The following MACO1 variants were observed in gnomAD, a reference collection of about 807,000 sequenced individuals.
MACO1 encodes macoilin.
Under a neutral mutation model 78.7 loss-of-function variants are expected in MACO1, and 14 were observed. The observed-to-expected ratio is 0.18, with a 90% CI of 0.12 to 0.28. The LOEUF (loss-of-function observed/expected upper bound fraction) is 0.28, where lower values mean the gene tolerates loss of function less well. MACO1 is among the 10% of genes least tolerant of loss of function. MACO1 has a pLI of 1.00. For synonymous variants in MACO1, 288 were observed against 291.6 expected, an observed-to-expected ratio of 0.99 and a Z score of 0.12; for missense variants, 501 against 799.0, an observed-to-expected ratio of 0.63 and a Z score of 4.50.
At chr1:25,486,809 A>G (rs2043437210) in intron 8 of MACO1, among the ~76,000 whole-genome samples, 1 of 152,220 alleles carries the variant, frequency 6.6e-6, no homozygotes, top group Non-Finnish European at 1.5e-5. Flanking sequence ...TTGGCCCATC[A>G]GCATCTATAC....
intron 6 of MACO1, among the ~76,000 whole-genome samples, chr1:25,473,679 G>T (rs1316253749): frequency 6.6e-6 from 1 of 152,170 alleles, no homozygotes; most frequent in African/African-American, 2.4e-5. Context: ...GGGGGTTAGG[G>T]GTGGATTCCC....
At position 25,458,615 on chromosome 1, in the gene MACO1, A is replaced by G. The variant is rs369953955; in HGVS notation, c.877A>G (p.Ile293Val). 6.2e-7 allele frequency: 1 copy of G among 1,614,048 alleles called. No individual in the cohort carries two copies. The highest frequency in any genetic ancestry group is 8.5e-7 in the Non-Finnish European group (1 of 1,179,972). ...AGAGATTGAGTATATGGAAAACCATATCAATAGTAAAAGATTAAATAATGA... is the reference window on the plus strand; with the variant it reads ...AGAGATTGAGTATATGGAAAACCATGTCAATAGTAAAAGATTAAATAATGA... ...IQEIEYMENH[I>V]NSKRLNNDLV... Residue 293 changes from isoleucine (I) to valine (V), a missense_variant, in exon 6 of 11, where the codon ATC (isoleucine) becomes GTC (valine). Coordinates refer to ENST00000374343, the MANE Select transcript of MACO1 (RefSeq NM_018202.6).
chr1:25,459,487 ATTT>A (rs67989933), intron 6 of MACO1, among the ~76,000 whole-genome samples: 1 of 146,390 alleles, frequency 6.8e-6, no homozygotes. Flanking sequence ...AATTAAAAGA[ATTT>A]TTTTTTTTTT....
At chr1:25,478,008 G>T (rs1289513713) in intron 6 of MACO1, among the ~76,000 whole-genome samples, 2 of 152,212 alleles carry the variant, frequency 1.3e-5, no homozygotes, top group African/African-American at 2.4e-5. Context: ...CACTTTGGGA[G>T]GCCAAGGCAG....
chr1:25,491,956 C>A (rs908393465), intron 10 of MACO1, among the ~76,000 whole-genome samples: 1 of 152,112 alleles, frequency 6.6e-6, no homozygotes, highest in Non-Finnish European at 1.5e-5. Flanking sequence ...TTGGAGAGGG[C>A]CTCTCCCCAG....
chr1:25,463,827 T>C (rs910761484), intron 6 of MACO1, among the ~76,000 whole-genome samples: 2 of 152,222 alleles, frequency 1.3e-5, no homozygotes, highest in Non-Finnish European at 2.9e-5. Flanking sequence ...TAGCATTTTA[T>C]AGTGTTTTTT....
intron 6 of MACO1, among the ~76,000 whole-genome samples, chr1:25,469,646 T>C (rs2124596185): frequency 6.7e-6 from 1 of 150,170 alleles, no homozygotes; most frequent in East Asian, 1.9e-4. Flanking sequence ...TTTTTTTTTT[T>C]TTTTTTTTGA....
intron 6 of MACO1, among the ~76,000 whole-genome samples, chr1:25,475,550 C>CAAA (rs1162367298): frequency 3.5e-5 from 2 of 56,960 alleles, no homozygotes; most frequent in African/African-American, 5.7e-5. Context: ...CCAGGCTCTA[C>CAAA]AAAAAAAAAA....
intron 3 of MACO1, among the ~76,000 whole-genome samples, chr1:25,449,269 C>T (rs928641526): frequency 5.9e-5 from 9 of 152,098 alleles, no homozygotes; most frequent in Non-Finnish European, 1.3e-4. Context: ...AAAAAATGTT[C>T]ATGGAATTTC....
rs1406778482 is a variant in MACO1, at chr1:25,430,991, C to T, written c.-108C>T. ...GGTGCTGGCTCCATGTCTGTGTGAC[C>T]GGCCTCAGGGGTAGAGTCCAGGCCC... On this transcript the variant is annotated 5_prime_UTR_variant, in exon 1 of 11. Coordinates refer to ENST00000374343, the MANE Select transcript of MACO1 (RefSeq NM_018202.6). The T allele has an allele frequency of 1.3e-5, 10 of 757,898 alleles. No individual in the cohort carries two copies. Among genetic ancestry groups the T allele is most frequent in the African/African-American group, 1.9e-5 (1 of 53,028 alleles). 46.9% of individuals were successfully genotyped at this position (757,898 alleles called of 1,614,324 possible). A position where few individuals can be genotyped will look rare whatever the true frequency, so the allele number is the denominator to read the frequency against.
Position 25,500,115 on chromosome 1 carries a change from C to G in MACO1, c.*1649C>G, listed in dbSNP as rs1411918458. ...TTTGAGGTTTCCCCCATTTTGCTGC[C>G]TTTTGGGACACTTCGTTAAATACTG... On this transcript the variant is annotated 3_prime_UTR_variant, in exon 11 of 11. Transcript: ENST00000374343. 2 of 148,956 alleles carry G rather than the reference C, an allele frequency of 1.3e-5. No homozygotes were observed. Among genetic ancestry groups the G allele is most frequent in the Middle Eastern group, 3.6e-3 (1 of 280 alleles). The allele number at this position is 148,956 out of a possible 1,614,324, so 9.2% of individuals were successfully genotyped here.
In MACO1 at chr1:25,498,503, C is replaced by T. The variant is rs970772072; in HGVS notation, c.*37C>T. The T allele has an allele frequency of 5.2e-6, 8 of 1,548,950 alleles. No homozygotes were observed. The highest frequency in any genetic ancestry group is 2.5e-5 in the South Asian group (2 of 81,264). On this transcript the variant is annotated 3_prime_UTR_variant, in exon 11 of 11. Coordinates refer to ENST00000374343, the MANE Select transcript of MACO1 (RefSeq NM_018202.6). ...GTGTTGTGCCCAAAAATTTGGTTAC[C>T]GGAAGGCATTGCAAAGGAGCGTCTC...
chr1:25,488,519 A>T (rs182111744), intron 8 of MACO1, among the ~76,000 whole-genome samples: 1 of 152,004 alleles, frequency 6.6e-6, no homozygotes, highest in Admixed American at 6.5e-5. Context: ...TTTGAGACAG[A>T]GTCTCACTTT....
rs956983011 is a variant in MACO1 at position 25,489,030 on chromosome 1, A to G, written c.1497-143A>G. On this transcript the variant is annotated intron_variant, in intron 8 of 10. Coordinates refer to ENST00000374343, the MANE Select transcript of MACO1 (RefSeq NM_018202.6). ...GAGACGGGGTTTCACCATGCTGGTC[A>G]GGTTGGTCTCGAACCCCTGACCTCA... is the stretch of plus-strand genomic sequence containing the variant. 67 of 919,068 alleles carry G rather than the reference A, an allele frequency of 7.3e-5. No homozygotes were observed. The Middle Eastern group carries it at 1.1e-3, about 16-fold the overall frequency. 56.9% of individuals were successfully genotyped at this position (919,068 alleles called of 1,614,324 possible).
At chr1:25,480,928 AAATATATATATAT>A (rs1198376893) in intron 6 of MACO1, among the ~76,000 whole-genome samples, 3 of 26,900 alleles carry the variant, frequency 1.1e-4, no homozygotes, top group African/African-American at 3.6e-4. Flanking sequence ...AAAAAAAAAA[AAATATATATATAT>A]ATATATATAT....
At chr1:25,470,752 G>A (rs2043260080) in intron 6 of MACO1, among the ~76,000 whole-genome samples, 1 of 152,222 alleles carries the variant, frequency 6.6e-6, no homozygotes, top group African/African-American at 2.4e-5. Context: ...GTAGGGGCCG[G>A]GCTCAGTGGT....
intron 6 of MACO1, among the ~76,000 whole-genome samples, chr1:25,471,941 G>A (rs573521341): frequency 6.6e-6 from 1 of 152,262 alleles, no homozygotes; most frequent in East Asian, 1.9e-4. Context: ...GAAGTTACAA[G>A]GGAAAAGAGG....
At chr1:25,479,949 AC>A (rs1224904113) in intron 6 of MACO1, among the ~76,000 whole-genome samples, 1 of 152,220 alleles carries the variant, frequency 6.6e-6, no homozygotes, top group Non-Finnish European at 1.5e-5. Context: ...ATAGAAAAAA[AC>A]ATACAGAAAA....
At position 25,485,490 on chromosome 1, in the gene MACO1, T is replaced by G; in HGVS notation, c.1314-123T>G. On this transcript the variant is annotated intron_variant, in intron 7 of 10. Coordinates refer to ENST00000374343, the MANE Select transcript of MACO1 (RefSeq NM_018202.6). The surrounding 1 kb of genome is among the most constrained non-coding windows in gnomAD (Gnocchi z 4.3). ...TCCTCAGGCATTCTGGGCATTGACA[T>G]TTTTGATTTGCTGTTCAAACCTCCT... The G allele has an allele frequency of 1.0e-6, 1 of 973,976 alleles. No homozygotes were observed. The highest frequency in any genetic ancestry group is 1.5e-6 in the Non-Finnish European group (1 of 666,698). 60.3% of individuals were successfully genotyped at this position (973,976 alleles called of 1,614,324 possible).
Sources: gnomAD v4.1 joint callset for allele counts (sites outside exome capture counted in the v4.1 genomes callset) on GRCh38, gnomAD v4.1.1 for gene constraint, Gnocchi (gnomAD v3.1) non-coding constraint, MANE v1.5 for transcripts, NCBI Gene and HGNC (gene_info 2026-07-23, HGNC 2026-07-21) for gene names.